Variants in VPS54 observed in about 807,000 individuals in gnomAD.
VPS54 encodes the protein vacuolar protein sorting-associated protein 54.
In VPS54, 45 loss-of-function variants were observed where a neutral mutation model predicts 121.5. That is an observed-to-expected ratio of 0.37 (90% CI 0.29 to 0.47). The LOEUF (loss-of-function observed/expected upper bound fraction) is 0.47, where lower values mean the gene tolerates loss of function less well. Ranked by LOEUF, VPS54 falls within the 20% of genes least tolerant of loss-of-function variation. The probability of loss-of-function intolerance (pLI) is 0.99; values close to 1 mark genes in which losing one functional copy is unlikely to be tolerated. For missense variants in VPS54, 1,090 were observed against 1,131.4 expected, an observed-to-expected ratio of 0.96 and a Z score of 0.52; for synonymous variants, 371 against 385.8, an observed-to-expected ratio of 0.96 and a Z score of 0.45.
chr2:63,977,759 A>T (rs1411304451), intron 3 of VPS54, among the ~76,000 whole-genome samples: 1 of 152,196 alleles, frequency 6.6e-6, no homozygotes, highest in Non-Finnish European at 1.5e-5. Context: ...TATGCACTGT[A>T]ATGTTTTGCT....
At chr2:63,917,760 T>C (rs1048667643) in intron 15 of VPS54, among the ~76,000 whole-genome samples, 3 of 152,168 alleles carry the variant, frequency 2.0e-5, no homozygotes, top group South Asian at 4.1e-4. Context: ...TACAGAGAAG[T>C]GGCATAGCAT....
chr2:63,973,935 G>A (rs1279034933), intron 3 of VPS54, among the ~76,000 whole-genome samples: 1 of 152,138 alleles, frequency 6.6e-6, no homozygotes, highest in Non-Finnish European at 1.5e-5. Context: ...CTTTCACAGA[G>A]TAGAACTTTT....
At chr2:63,905,486 T>G (rs1170660250) in intron 20 of VPS54, among the ~76,000 whole-genome samples, 1 of 151,824 alleles carries the variant, frequency 6.6e-6, no homozygotes, top group Non-Finnish European at 1.5e-5. Flanking sequence ...TGTACTCAAG[T>G]AGATTACCCA....
chr2:63,991,006 T>C (rs182073346), intron 1 of VPS54, among the ~76,000 whole-genome samples: 6 of 152,320 alleles, frequency 3.9e-5, no homozygotes, highest in Admixed American at 1.3e-4. Flanking sequence ...TATCTGGTGG[T>C]CACAAGAGGC....
At chr2:64,001,130 C>G (rs1195426338) in intron 1 of VPS54, among the ~76,000 whole-genome samples, 1 of 152,214 alleles carries the variant, frequency 6.6e-6, no homozygotes, top group Non-Finnish European at 1.5e-5. Context: ...TTTCCACAGG[C>G]AGAGGAGCCT....
intron 20 of VPS54, 77 bp from the exon 21 acceptor site, chr2:63,899,658 T>C: frequency 8.4e-7 from 1 of 1,191,190 alleles, no homozygotes; most frequent in South Asian, 1.3e-5. Context: ...CTGAGACATA[T>C]ATTTACTGTC....
intron 7 of VPS54, among the ~76,000 whole-genome samples, chr2:63,951,490 TAGC>T (rs1675241949): frequency 6.6e-6 from 1 of 152,120 alleles, no homozygotes; most frequent in African/African-American, 2.4e-5. Flanking sequence ...CATAGATGAC[TAGC>T]ATCACTTCAG....
rs557107704 is a variant in VPS54 at position 63,991,407 on chromosome 2, C to T, written c.-20-7388G>A. Among the ~76,000 whole-genome samples the T allele has an allele frequency of 1.5e-3, 235 of 152,280 alleles. 1 individual carries two copies. The highest frequency in any genetic ancestry group is 3.3e-3 in the Admixed American group (51 of 15,298). Reference sequence around the variant, plus strand: ...TTACCTGATCACGAGGTGTTCCCTGCATATATTAAAGCTTGTGAAGGCATT... The same window carrying T: ...TTACCTGATCACGAGGTGTTCCCTGTATATATTAAAGCTTGTGAAGGCATT... On this transcript the variant is annotated intron_variant, in intron 1 of 22. Coordinates refer to ENST00000272322, the MANE Select transcript of VPS54 (RefSeq NM_016516.3).
chr2:63,943,727 C>CTTTCTTTCTTTCTTTCT (rs34858643), intron 10 of VPS54, among the ~76,000 whole-genome samples: 46 of 129,608 alleles, frequency 3.5e-4, no homozygotes, highest in South Asian at 1.5e-3. Context: ...TTCTTTCTTT[C>CTTTCTTTCTTTCTTTCT]TTTTTTTTTT....
intron 9 of VPS54, among the ~76,000 whole-genome samples, chr2:63,945,609 A>G (rs1203234638): frequency 3.9e-5 from 6 of 152,194 alleles, no homozygotes; most frequent in Non-Finnish European, 8.8e-5. Flanking sequence ...TCTCTTATGT[A>G]TCTCTCACAG....
At chr2:64,015,749 T>A (rs1678655156) in intron 1 of VPS54, among the ~76,000 whole-genome samples, 1 of 149,318 alleles carries the variant, frequency 6.7e-6, no homozygotes, top group Non-Finnish European at 1.5e-5. Context: ...TATATTTTTT[T>A]AAAATTTGGA....
intron 1 of VPS54, among the ~76,000 whole-genome samples, chr2:64,003,276 A>G (rs1259497547): frequency 6.6e-6 from 1 of 152,240 alleles, no homozygotes; most frequent in Non-Finnish European, 1.5e-5. Context: ...GTTAACTACC[A>G]TCTAGAAACA....
intron 7 of VPS54, among the ~76,000 whole-genome samples, chr2:63,956,971 G>A (rs568460361): frequency 2.6e-5 from 4 of 152,128 alleles, no homozygotes; most frequent in East Asian, 3.9e-4. Context: ...ATCAACATTC[G>A]AATGCATTCT....
At chr2:63,990,152 A>G (rs964697480) in intron 1 of VPS54, among the ~76,000 whole-genome samples, 13 of 151,888 alleles carry the variant, frequency 8.6e-5, no homozygotes, top group African/African-American at 2.7e-4. Flanking sequence ...CTCTTCTCCA[A>G]CTTTCCTCTC....
At chr2:64,000,692 A>G (rs11692514) in intron 1 of VPS54, among the ~76,000 whole-genome samples, 70,116 of 152,112 alleles carry the variant, frequency 0.46, 16,558 homozygotes, top group African/African-American at 0.48. Context: ...TGGATTACCA[A>G]GCAGAGATTC....
intron 9 of VPS54, 54 bp downstream of exon 9, chr2:63,947,329 T>A (rs1575943990): frequency 1.4e-6 from 2 of 1,415,128 alleles, no homozygotes; most frequent in African/African-American, 2.9e-5. Context: ...AACATAAAAA[T>A]AAACTTCACA....
At position 63,981,761 on chromosome 2, in the gene VPS54, T is replaced by A; in HGVS notation, c.263A>T (p.Asp88Val). The part of the protein sequence containing the change: ...NDPRLAKRES[D>V]FFTKTWGLDF... ...CAATCCCCATGTTTTTGTGAAGAAG[T>A]CAGATTCTCTTTTTGCTAATCTAGG... The change falls in exon 3 of 23, where the codon GAC becomes GTC. Residue 88 changes from aspartate (D) to valine (V), a missense_variant. Asp to Val is a radical substitution (Grantham distance 152). Transcript: ENST00000272322. The A allele has an allele frequency of 6.2e-7, 1 of 1,613,818 alleles. No homozygotes were observed. Among genetic ancestry groups the A allele is most frequent in the Non-Finnish European group, 8.5e-7 (1 of 1,179,798 alleles).
intron 11 of VPS54, 75 bp downstream of exon 11, chr2:63,942,386 GTCTT>G (rs1365109843): frequency 1.5e-5 from 14 of 965,260 alleles, no homozygotes; most frequent in Admixed American, 3.8e-5. Context: ...TCTAGTTTGA[GTCTT>G]TATTTACATA....
chr2:64,016,236 C>G (rs533048193), intron 1 of VPS54, among the ~76,000 whole-genome samples: 1 of 152,296 alleles, frequency 6.6e-6, no homozygotes, highest in Non-Finnish European at 1.5e-5. Flanking sequence ...GTTACTGAAG[C>G]CATTCATGCC....
Sources: gnomAD v4.1 joint callset for allele counts (sites outside exome capture counted in the v4.1 genomes callset) on GRCh38, gnomAD v4.1.1 for gene constraint, MANE v1.5 for transcripts, NCBI Gene and HGNC (gene_info 2026-07-23, HGNC 2026-07-21) for gene names.